The following NRXN2 variants were observed in gnomAD, a reference collection of about 807,000 sequenced individuals.
The protein encoded by NRXN2 is neurexin-2-beta.
Under a neutral mutation model 128.8 loss-of-function variants are expected in NRXN2, and 29 were observed. The ratio of observed to expected loss-of-function variants is 0.23; its 90% CI spans 0.17 to 0.31. NRXN2 has a LOEUF of 0.31. Ranked by LOEUF, NRXN2 falls within the 10% of genes least tolerant of loss-of-function variation. The probability of loss-of-function intolerance (pLI) is 1.00; values close to 1 mark genes in which losing one functional copy is unlikely to be tolerated. For synonymous variants in NRXN2, 1,098 were observed against 1,075.2 expected (o/e 1.02, Z -0.41); for missense variants, 1,881 against 2,452.6 (o/e 0.77, Z 4.92).
intron 5 of NRXN2, chr11:64,688,795 G>A: frequency 1.0e-6 from 1 of 985,354 alleles, no homozygotes; most frequent in Non-Finnish European, 1.2e-6. Context: ...AACCATGCAT[G>A]AGGGACAAAG....
rs1716431357 is a variant in NRXN2 at position 64,660,489 on chromosome 11, C to T, written c.2232G>A (p.Met744Ile). 2 of 1,614,204 alleles carry T rather than the reference C, an allele frequency of 1.2e-6. No homozygotes were observed. Among genetic ancestry groups the T allele is most frequent in the Non-Finnish European group, 1.7e-6 (2 of 1,180,032 alleles). The change falls in exon 11 of 23, where the codon ATG becomes ATA. Residue 744 changes from methionine to isoleucine, a missense_variant. This residue lies in a region of NRXN2 where 997 missense variants were observed against 1,240.8 expected (regional missense o/e 0.80). Coordinates refer to ENST00000265459, the MANE Select transcript of NRXN2 (RefSeq NM_015080.4). This position sits in a 1 kb window ranked among gnomAD's most constrained non-coding sequence, Gnocchi z 5.2. ...SYDGSMYMKIMLPNAMHTEAE... is the reference protein window; with the variant it reads ...SYDGSMYMKIILPNAMHTEAE... ...CCTCCGTGTGCATGGCGTTAGGCAG[C>T]ATGATCTTCATGTACATGGAGCCAT...
chr11:64,661,410 C>G, intron 9 of NRXN2: 1 of 1,374,696 alleles, frequency 7.3e-7, no homozygotes, highest in Non-Finnish European at 9.4e-7. Context: ...CCCTCCTCCC[C>G]ACCTCAGCAA....
chr11:64,662,896 C>T (rs2049254467), intron 9 of NRXN2, among the ~76,000 whole-genome samples: 1 of 152,000 alleles, frequency 6.6e-6, no homozygotes. Context: ...AAAGACTCTG[C>T]CTAACTTCAT....
Position 64,697,797 on chromosome 11 carries a change from AG to A in NRXN2, c.731-6del. The A allele has an allele frequency of 6.2e-7, 1 of 1,613,854 alleles. No homozygotes were observed. The highest frequency in any genetic ancestry group is 1.3e-5 in the African/African-American group (1 of 75,034). On this transcript the variant is annotated splice_region_variant and splice_polypyrimidine_tract_variant and intron_variant, in intron 2 of 22. Transcript: ENST00000265459. ...CACCTTCCATGGGGTGCTCCTCTGCAGCCAGCGAGGTTCGGAGAAGACGGAG... is the reference window on the plus strand; with the variant it reads ...CACCTTCCATGGGGTGCTCCTCTGCACCAGCGAGGTTCGGAGAAGACGGAG...
At chr11:64,717,619 GCCT>G (rs1272412164) in intron 1 of NRXN2, among the ~76,000 whole-genome samples, 1 of 152,214 alleles carries the variant, frequency 6.6e-6, no homozygotes, top group Non-Finnish European at 1.5e-5. Context: ...CTAGGCCAAA[GCCT>G]CCTCCTCATT....
intron 22 of NRXN2, among the ~76,000 whole-genome samples, chr11:64,608,606 TACAA>T (rs1241365153): frequency 1.3e-5 from 2 of 151,568 alleles, no homozygotes. Flanking sequence ...AGAAAAAAAT[TACAA>T]ACAGAGCTGT....
Position 64,635,844 on chromosome 11 carries a change from T to C in NRXN2, c.3404-392A>G, listed in dbSNP as rs959742254. 6.6e-6 allele frequency among the ~76,000 whole-genome samples: 1 copy of C among 151,340 alleles called. No homozygotes were observed. On this transcript the variant is annotated intron_variant, in intron 17 of 22. Transcript: ENST00000265459. This position sits in a 1 kb window ranked among gnomAD's most constrained non-coding sequence, Gnocchi z 4.8. ...CCACTTCTCCCAGGCCTGGCAGAGGTGACAGATCCAAGGTGTGTGCTTCTT... is the reference window on the plus strand; with the variant it reads ...CCACTTCTCCCAGGCCTGGCAGAGGCGACAGATCCAAGGTGTGTGCTTCTT...
chr11:64,647,099 G>A (rs888138041), intron 17 of NRXN2, among the ~76,000 whole-genome samples: 8 of 152,276 alleles, frequency 5.3e-5, no homozygotes, highest in Middle Eastern at 3.4e-3. Context: ...GTGGTATGGA[G>A]GCAAAGGCAC....
At chr11:64,615,033 T>C (rs2041261685) in intron 22 of NRXN2, among the ~76,000 whole-genome samples, 1 of 152,258 alleles carries the variant, frequency 6.6e-6, no homozygotes, top group African/African-American at 2.4e-5. Flanking sequence ...GCCCCAGACC[T>C]GTTTCTGCTT....
chr11:64,653,528 A>C (rs2047788323), intron 12 of NRXN2, among the ~76,000 whole-genome samples, 168 bp downstream of exon 12: 1 of 150,578 alleles, frequency 6.6e-6, no homozygotes, highest in Non-Finnish European at 1.5e-5. Context: ...GCCTTCCACA[A>C]CCACCCAACC....
intron 22 of NRXN2, among the ~76,000 whole-genome samples, chr11:64,617,876 T>A (rs2041780049): frequency 6.6e-6 from 1 of 152,198 alleles, no homozygotes; most frequent in Admixed American, 6.5e-5. Context: ...CGTGTAAGCA[T>A]GTGCGATGCA....
chr11:64,617,577 T>G (rs1161577295), intron 22 of NRXN2, among the ~76,000 whole-genome samples: 1 of 152,046 alleles, frequency 6.6e-6, no homozygotes, highest in African/African-American at 2.4e-5. Context: ...GGTGAAAAGG[T>G]GAGCAGAAAT....
At position 64,714,178 on chromosome 11, in the gene NRXN2, G is replaced by A. The variant is rs1440451490; in HGVS notation, c.-244-235C>T. On this transcript the variant is annotated intron_variant, in intron 1 of 22. Transcript: ENST00000265459. This position sits in a 1 kb window ranked among gnomAD's most constrained non-coding sequence, Gnocchi z 4.5. ...GCAGCATTGGTTTGAGATGTGGACA[G>A]GGAGAGGTGACACGTTCGAGCCCGG... Among the ~76,000 whole-genome samples, 2 of 150,318 alleles carry A rather than the reference G, an allele frequency of 1.3e-5. No homozygotes were observed. Among genetic ancestry groups the A allele is most frequent in the Admixed American group, 6.7e-5 (1 of 14,922 alleles).
intron 1 of NRXN2, among the ~76,000 whole-genome samples, chr11:64,718,363 C>A (rs925699570): frequency 6.6e-6 from 1 of 152,184 alleles, no homozygotes; most frequent in African/African-American, 2.4e-5. Flanking sequence ...CCTCTCCTCA[C>A]GCCAGCATCC....
In NRXN2 at chr11:64,607,919, G is replaced by A. The variant is rs1371381060; in HGVS notation, c.4416C>T (p.Pro1472=). 5.1e-6 allele frequency: 8 copies of A among 1,558,248 alleles called. No homozygotes were observed. The highest frequency in any genetic ancestry group is 4.8e-5 in the East Asian group (2 of 41,844). The part of the protein sequence containing the change: ...TLPPPAARRP[P]SGGPCQAERD... ...GCTCGGCCTGGCACGGGCCCCCAGA[G>A]GGCGGGCGGCGCGCGGCGGGCGGGG... Residue 1472 remains proline, a synonymous_variant, in exon 23 of 23, where the codon CCC becomes CCT. Transcript: ENST00000265459.
At position 64,607,231 on chromosome 11, in the gene NRXN2, C is replaced by T. The variant is rs749798452; in HGVS notation, c.5104G>A (p.Ala1702Thr). ...APAAPKTPSK[A>T]KKNKDKEYYV ...TACTCCTTGTCTTTGTTCTTCTTGGCCTTGCTGGGCGTCTTGGGGGCAGCC... is the reference window on the plus strand; with the variant it reads ...TACTCCTTGTCTTTGTTCTTCTTGGTCTTGCTGGGCGTCTTGGGGGCAGCC... The change falls in exon 23 of 23, where the codon GCC (alanine) becomes ACC (threonine). Residue 1702 changes from alanine (A) to threonine (T), a missense_variant. Transcript: ENST00000265459. 4.7e-5 allele frequency: 76 copies of T among 1,613,722 alleles called. No individual in the cohort carries two copies. Among genetic ancestry groups the T allele is most frequent in the Non-Finnish European group, 6.0e-5 (71 of 1,179,916 alleles).
At position 64,615,976 on chromosome 11, in the gene NRXN2, A is replaced by T. The variant is rs141261661; in HGVS notation, c.4252+4318T>A. Among the ~76,000 whole-genome samples, 20 of 152,016 alleles carry T rather than the reference A, an allele frequency of 1.3e-4. No individual in the cohort carries two copies. The East Asian group carries it at 3.9e-3, about 29-fold the overall frequency. On this transcript the variant is annotated intron_variant, in intron 22 of 22. Coordinates refer to ENST00000265459, the MANE Select transcript of NRXN2 (RefSeq NM_015080.4). ...TGTGAACCAGTATGCATGTTTCAGC[A>T]GGTAAGCGTGTGTGTGTGTGTGTAC...
rs1401525020 is a variant in NRXN2 at position 64,660,479 on chromosome 11, C to T, written c.2242G>A (p.Ala748Thr). The change falls in exon 11 of 23, where the codon GCC becomes ACC. Residue 748 changes from alanine to threonine, a missense_variant. By Grantham distance (58) the Ala-to-Thr change is moderately conservative. This residue lies in a region of NRXN2 where 997 missense variants were observed against 1,240.8 expected (regional missense o/e 0.80). Coordinates refer to ENST00000265459, the MANE Select transcript of NRXN2 (RefSeq NM_015080.4). The surrounding 1 kb of genome is among the most constrained non-coding windows in gnomAD (Gnocchi z 5.2). ...SMYMKIMLPN[A>T]MHTEAEDVSL... is the part of the protein sequence containing the mutation. Reference sequence around the variant, plus strand: ...ACATCCTCTGCCTCCGTGTGCATGGCGTTAGGCAGCATGATCTTCATGTAC... The same window carrying T: ...ACATCCTCTGCCTCCGTGTGCATGGTGTTAGGCAGCATGATCTTCATGTAC... 5.6e-6 allele frequency: 9 copies of T among 1,614,070 alleles called. No individual in the cohort carries two copies. The East Asian group carries it at 1.1e-4, about 20-fold the overall frequency.
rs941989777 is a variant in NRXN2, at chr11:64,714,143, C to T, written c.-244-200G>A. 3.3e-5 allele frequency among the ~76,000 whole-genome samples: 5 copies of T among 152,122 alleles called. No homozygotes were observed. Among genetic ancestry groups the T allele is most frequent in the African/African-American group, 1.2e-4 (5 of 41,416 alleles). ...GGGCCAGCACTTAGGAGAGATGGCA[C>T]GCACTAGGGGCAGCATTGGTTTGAG... On this transcript the variant is annotated intron_variant, in intron 1 of 22. Transcript: ENST00000265459. This position sits in a 1 kb window ranked among gnomAD's most constrained non-coding sequence, Gnocchi z 4.5.
Sources: allele counts gnomAD v4.1 joint callset (sites outside exome capture counted in the v4.1 genomes callset), GRCh38; gene constraint gnomAD v4.1.1; regional missense constraint gnomAD v4.1.1; non-coding constraint Gnocchi (gnomAD v3.1); transcripts MANE v1.5; gene names NCBI Gene and HGNC (gene_info 2026-07-23, HGNC 2026-07-21).